The following SSH2 variants were observed in gnomAD, a reference collection of about 807,000 sequenced individuals.
The protein encoded by SSH2 is protein phosphatase Slingshot homolog 2.
A neutral mutation model predicts 135.2 loss-of-function variants in SSH2; 37 were observed. That is an observed-to-expected ratio of 0.27 (90% CI 0.21 to 0.36). SSH2 has a LOEUF of 0.36. SSH2 is among the 10% of genes least tolerant of loss of function. The pLI is 1.00. For missense variants in SSH2, 1,408 were observed against 1,765.3 expected (o/e 0.80, Z 3.63); for synonymous variants, 628 against 646.2 (o/e 0.97, Z 0.43).
intron 2 of SSH2, among the ~76,000 whole-genome samples, chr17:29,844,357 C>T (rs1433470138): frequency 6.6e-6 from 1 of 152,180 alleles, no homozygotes; most frequent in Non-Finnish European, 1.5e-5. Flanking sequence ...GACCACCAGG[C>T]TGGGGAAGAA....
At chr17:29,801,133 G>A (rs2151313636) in intron 2 of SSH2, among the ~76,000 whole-genome samples, 1 of 152,172 alleles carries the variant, frequency 6.6e-6, no homozygotes, top group Non-Finnish European at 1.5e-5. Flanking sequence ...CCAAAGTGCT[G>A]GGATTACAGG....
chr17:29,873,375 A>G (rs1446627468), intron 1 of SSH2, among the ~76,000 whole-genome samples: 1 of 152,020 alleles, frequency 6.6e-6, no homozygotes, highest in African/African-American at 2.4e-5. Flanking sequence ...TCTAGCCAAC[A>G]TGGCGAAACC....
At chr17:29,682,419 G>T (rs536571713) in intron 6 of SSH2, among the ~76,000 whole-genome samples, 1 of 152,276 alleles carries the variant, frequency 6.6e-6, no homozygotes, top group East Asian at 1.9e-4. Context: ...AGCACATACG[G>T]TTACTGAATA....
intron 3 of SSH2, among the ~76,000 whole-genome samples, chr17:29,790,024 A>T (rs890230214): frequency 6.6e-6 from 1 of 152,134 alleles, no homozygotes; most frequent in Admixed American, 6.5e-5. Flanking sequence ...GATTTAGATG[A>T]TATAAAACTT....
At chr17:29,750,427 AGAC>A (rs2040894685) in intron 3 of SSH2, among the ~76,000 whole-genome samples, 1 of 147,778 alleles carries the variant, frequency 6.8e-6, no homozygotes, top group South Asian at 2.2e-4. Context: ...CAACTGAGTG[AGAC>A]TCTGTCTCAA....
intron 3 of SSH2, among the ~76,000 whole-genome samples, chr17:29,765,928 G>A (rs1433674166): frequency 1.3e-5 from 2 of 150,668 alleles, no homozygotes; most frequent in African/African-American, 4.9e-5. Flanking sequence ...ACTGAGGCAG[G>A]AGAATCGCTT....
chr17:29,709,052 A>AGC (rs1555617878), intron 3 of SSH2, among the ~76,000 whole-genome samples: 26 of 144,602 alleles, frequency 1.8e-4, no homozygotes, highest in East Asian at 1.0e-3. Flanking sequence ...AGAGAGAGAG[A>AGC]GCTAATAATA....
chr17:29,771,933 TCAA>T (rs1410058412), intron 3 of SSH2, among the ~76,000 whole-genome samples: 2 of 152,238 alleles, frequency 1.3e-5, no homozygotes, highest in African/African-American at 4.8e-5. Flanking sequence ...TATACACTTT[TCAA>T]CAACCATGTC....
At chr17:29,799,155 C>A (rs768729141) in intron 2 of SSH2, among the ~76,000 whole-genome samples, 1 of 152,010 alleles carries the variant, frequency 6.6e-6, no homozygotes, top group African/African-American at 2.4e-5. Flanking sequence ...GGGTAAAATT[C>A]GAATATATCA....
intron 3 of SSH2, among the ~76,000 whole-genome samples, chr17:29,759,589 C>G (rs115917865): frequency 6.6e-6 from 1 of 152,172 alleles, no homozygotes; most frequent in South Asian, 2.1e-4. Flanking sequence ...TCTCCTTCAA[C>G]CCCTAGCAAC....
At chr17:29,900,078 T>C (rs1279915510) in intron 1 of SSH2, among the ~76,000 whole-genome samples, 3 of 152,172 alleles carry the variant, frequency 2.0e-5, no homozygotes, top group Admixed American at 6.5e-5. Context: ...TGGCTAGCCA[T>C]ATGTAGAAAG....
chr17:29,712,354 T>G (rs890389847), intron 3 of SSH2, among the ~76,000 whole-genome samples: 1 of 152,240 alleles, frequency 6.6e-6, no homozygotes, highest in African/African-American at 2.4e-5. Flanking sequence ...CCCTAAGCAC[T>G]TCCCAGCTTG....
intron 14 of SSH2, among the ~76,000 whole-genome samples, chr17:29,638,828 T>C (rs2036028193): frequency 1.3e-5 from 2 of 152,078 alleles, no homozygotes; most frequent in Non-Finnish European, 2.9e-5. Flanking sequence ...ATTATTGGAG[T>C]GAGCCACCAA....
intron 3 of SSH2, chr17:29,787,401 T>C (rs1219112612): frequency 1.3e-5 from 2 of 152,206 alleles, no homozygotes; most frequent in Non-Finnish European, 1.5e-5. Flanking sequence ...GTTGCTTCCA[T>C]CTCTTGGCTA....
chr17:29,826,433 A>G lies in SSH2; in HGVS notation c.144+22416T>C, dbSNP rs577804111. ...TTGACAAATGCAAACGATGACTACA[A>G]TCATAGATAAGGATATTGTATTATA... On this transcript the variant is annotated intron_variant, in intron 2 of 15. Transcript: ENST00000540801. Among the ~76,000 whole-genome samples, 151 of 152,344 alleles carry G rather than the reference A, an allele frequency of 9.9e-4. 5 individuals are homozygous for G. The South Asian group carries it at 0.03, about 31-fold the overall frequency.
intron 2 of SSH2, among the ~76,000 whole-genome samples, chr17:29,844,333 A>G (rs1212360324): frequency 6.6e-6 from 1 of 152,202 alleles, no homozygotes. Flanking sequence ...AACTAATATA[A>G]CAAATATTTT....
At chr17:29,806,974 A>G (rs917094523) in intron 2 of SSH2, among the ~76,000 whole-genome samples, 4 of 152,234 alleles carry the variant, frequency 2.6e-5, no homozygotes, top group African/African-American at 9.6e-5. Flanking sequence ...AGAAACTTAA[A>G]CAATGAGAAG....
chr17:29,795,069 A>G (rs527242439), intron 2 of SSH2, among the ~76,000 whole-genome samples: 1 of 152,332 alleles, frequency 6.6e-6, no homozygotes, highest in African/African-American at 2.4e-5. Flanking sequence ...CTGCCCAACA[A>G]GTCACCTGCA....
intron 3 of SSH2, among the ~76,000 whole-genome samples, chr17:29,708,606 AAC>A (rs1181919916): frequency 4.0e-5 from 6 of 150,864 alleles, no homozygotes; most frequent in South Asian, 2.1e-4. Flanking sequence ...AAAAAAAAAA[AAC>A]AAACAAAAAA....
Sources: gnomAD v4.1 joint callset for allele counts (sites outside exome capture counted in the v4.1 genomes callset) on GRCh38, gnomAD v4.1.1 for gene constraint, MANE v1.5 for transcripts, NCBI Gene and HGNC (gene_info 2026-07-23, HGNC 2026-07-21) for gene names.